TNIK: variants seen among roughly 807,000 people sequenced by gnomAD.
TNIK encodes the protein TRAF2 and NCK-interacting protein kinase.
In TNIK, 49 loss-of-function variants were observed where a neutral mutation model predicts 191.3. The observed-to-expected ratio is 0.26, with a 90% CI of 0.20 to 0.32. The LOEUF is 0.32. Ranked by LOEUF, TNIK falls within the 10% of genes least tolerant of loss-of-function variation. The pLI is 1.00. For synonymous variants in TNIK, 594 were observed against 600.9 expected, an observed-to-expected ratio of 0.99 and a Z score of 0.17; for missense variants, 1,155 against 1,702.3, an observed-to-expected ratio of 0.68 and a Z score of 5.66.
chr3:171,207,767 C>T (rs2422194), intron 4 of TNIK, among the ~76,000 whole-genome samples: 40,329 of 152,044 alleles, frequency 0.27, 5,685 homozygotes, highest in East Asian at 0.5. Flanking sequence ...TCATGCCACC[C>T]CATCATATCC....
intron 27 of TNIK, among the ~76,000 whole-genome samples, chr3:171,081,147 A>T (rs1720622954): frequency 6.6e-6 from 1 of 152,230 alleles, no homozygotes; most frequent in Non-Finnish European, 1.5e-5. Context: ...GCAATTAACC[A>T]GAACAAAAGA....
At position 171,126,073 on chromosome 3, in the gene TNIK, C is replaced by T. The variant is rs759237430; in HGVS notation, c.1852G>A (p.Gly618Ser). Residue 618 changes from glycine to serine, a missense_variant, in exon 17 of 33, where the codon GGC becomes AGC. Gly to Ser is a moderately conservative substitution (Grantham distance 56, BLOSUM62 0). Coordinates refer to ENST00000436636, the MANE Select transcript of TNIK (RefSeq NM_015028.4). ...SQSVHEQPTK[G>S]LSGFQEALNV... The stretch of plus-strand genomic sequence containing the variant: ...AGAGCCTCCTGAAACCCAGAGAGGC[C>T]CTTTGTGGGCTGCTCGTGCACTGAC... 4 of 1,612,054 alleles carry T rather than the reference C, an allele frequency of 2.5e-6. No individual in the cohort carries two copies. In the African/African-American group the frequency reaches 5.3e-5, roughly 22 times the overall value.
rs565929089 is a variant in TNIK at position 171,275,829 on chromosome 3, G to A, written c.124-47608C>T. The stretch of plus-strand genomic sequence containing the variant: ...GGAGAATGGTGTGAACCCGGGAGGC[G>A]GAGCTTGCAGTGAGCCGAGATCGTG... On this transcript the variant is annotated intron_variant, in intron 2 of 32. Transcript: ENST00000436636. Among the ~76,000 whole-genome samples the A allele has an allele frequency of 7.5e-4, 114 of 152,068 alleles. 1 individual carries two copies. Among genetic ancestry groups the A allele is most frequent in the African/African-American group, 2.5e-3 (103 of 41,496 alleles).
chr3:171,059,153 G>A lies in TNIK; in HGVS notation c.*4728C>T, dbSNP rs965339135. The stretch of plus-strand genomic sequence containing the variant: ...TTAAAACCAAACCCTATCATGCAAG[G>A]AGTGAGTTTGAAGATATGTACACAA... On this transcript the variant is annotated 3_prime_UTR_variant, in exon 33 of 33. Transcript: ENST00000436636. 6.6e-6 allele frequency among the ~76,000 whole-genome samples: 1 copy of A among 152,144 alleles called. No homozygotes were observed. The highest frequency in any genetic ancestry group is 1.5e-5 in the Non-Finnish European group (1 of 68,026).
In TNIK at chr3:171,061,153, G is replaced by A. The variant is rs149606407; in HGVS notation, c.*2728C>T. On this transcript the variant is annotated 3_prime_UTR_variant, in exon 33 of 33. Transcript: ENST00000436636. ...ATTCTGACGTATTCTGCATGTTCTA[G>A]GCCTCCTTATGTCAGGGCTGGGGTC... Among the ~76,000 whole-genome samples the A allele has an allele frequency of 6.6e-6, 1 of 152,190 alleles. No homozygotes were observed. Among genetic ancestry groups the A allele is most frequent in the East Asian group, 1.9e-4 (1 of 5,170 alleles).
chr3:171,433,937 C>CTTTTTTTTTTT, intron 1 of TNIK, among the ~76,000 whole-genome samples: 1 of 71,114 alleles, frequency 1.4e-5, no homozygotes, highest in Non-Finnish European at 2.5e-5. Context: ...TTTCTTTTTC[C>CTTTTTTTTTTT]TTTTTTTTTT....
intron 2 of TNIK, among the ~76,000 whole-genome samples, chr3:171,265,539 A>G (rs997657444): frequency 2.0e-5 from 3 of 152,258 alleles, no homozygotes; most frequent in African/African-American, 4.8e-5. Context: ...AAAACTGGTG[A>G]AAAACAAAAC....
At chr3:171,138,568 A>C (rs1287540612) in intron 14 of TNIK, among the ~76,000 whole-genome samples, 189 bp from the exon 15 acceptor site, 1 of 152,104 alleles carries the variant, frequency 6.6e-6, no homozygotes, top group Non-Finnish European at 1.5e-5. Flanking sequence ...GTTAGTATCT[A>C]CACAAGAATG....
At chr3:171,335,094 G>T (rs1350497741) in intron 2 of TNIK, among the ~76,000 whole-genome samples, 4 of 151,286 alleles carry the variant, frequency 2.6e-5, no homozygotes, top group Non-Finnish European at 5.9e-5. Flanking sequence ...TTAGCTTGGA[G>T]AATCTTTTTA....
intron 2 of TNIK, among the ~76,000 whole-genome samples, chr3:171,268,460 T>TA (rs1273048878): frequency 2.0e-5 from 3 of 152,100 alleles, no homozygotes; most frequent in Non-Finnish European, 4.4e-5. Context: ...TACTTGGCTT[T>TA]AAATCTCCAC....
intron 2 of TNIK, among the ~76,000 whole-genome samples, chr3:171,247,651 A>G (rs1487273157): frequency 6.6e-6 from 1 of 152,222 alleles, no homozygotes; most frequent in African/African-American, 2.4e-5. Context: ...CCCAAGAAAA[A>G]ACAACCAGCG....
chr3:171,257,904 G>A (rs536783604), intron 2 of TNIK, among the ~76,000 whole-genome samples: 14 of 152,306 alleles, frequency 9.2e-5, no homozygotes, highest in African/African-American at 3.4e-4. Context: ...CTGCTGTTGA[G>A]ATTCTGATTT....
chr3:171,200,911 C>A (rs573233412), intron 4 of TNIK, among the ~76,000 whole-genome samples: 1 of 152,138 alleles, frequency 6.6e-6, no homozygotes. Context: ...ACCCAGAATA[C>A]CCTGACAGGA....
At chr3:171,263,528 A>G (rs1747946782) in intron 2 of TNIK, among the ~76,000 whole-genome samples, 1 of 152,090 alleles carries the variant, frequency 6.6e-6, no homozygotes, top group Non-Finnish European at 1.5e-5. Context: ...CCATTTATTC[A>G]TTTATCCATT....
At chr3:171,191,083 A>C in intron 5 of TNIK, among the ~76,000 whole-genome samples, 1 of 152,236 alleles carries the variant, frequency 6.6e-6, no homozygotes, top group East Asian at 1.9e-4. Flanking sequence ...CGGTTCCAAC[A>C]TGAACATGAG....
intron 2 of TNIK, among the ~76,000 whole-genome samples, chr3:171,265,969 A>C (rs80053340): frequency 0.019 from 2,841 of 152,340 alleles, 95 homozygotes; most frequent in African/African-American, 0.065. Flanking sequence ...CCAGGCTGTC[A>C]TGGCACCTCC....
chr3:171,066,502 T>C (rs1395171396), intron 31 of TNIK, 74 bp downstream of exon 31: 1 of 1,589,354 alleles, frequency 6.3e-7, no homozygotes, highest in African/African-American at 1.3e-5. Flanking sequence ...ATCAAATGGT[T>C]GTTTCACATT....
chr3:171,231,462 C>T (rs1043785004), intron 2 of TNIK, among the ~76,000 whole-genome samples: 5 of 151,958 alleles, frequency 3.3e-5, no homozygotes, highest in Non-Finnish European at 7.4e-5. Context: ...GAAAAATACA[C>T]CTTGGGATGG....
chr3:171,189,581 T>A (rs1465826865), intron 6 of TNIK, among the ~76,000 whole-genome samples: 1 of 152,232 alleles, frequency 6.6e-6, no homozygotes, highest in Non-Finnish European at 1.5e-5. Flanking sequence ...ATCTCATTTC[T>A]GCCGCTACTA....
Sources: allele counts gnomAD v4.1 joint callset (sites outside exome capture counted in the v4.1 genomes callset), GRCh38; gene constraint gnomAD v4.1.1; transcripts MANE v1.5; gene names NCBI Gene and HGNC (gene_info 2026-07-23, HGNC 2026-07-21).